KLRC1: variants seen among roughly 807,000 people sequenced by gnomAD.
The protein encoded by KLRC1 is NKG2-A/NKG2-B type II integral membrane protein.
Under a neutral mutation model 25.9 loss-of-function variants are expected in KLRC1, and 22 were observed. That is an observed-to-expected ratio of 0.85 (90% CI 0.61 to 1.21). The LOEUF (loss-of-function observed/expected upper bound fraction) is 1.21, where lower values mean the gene tolerates loss of function less well. Among genes scored for constraint, KLRC1 ranks in the 50% most tolerant of loss-of-function variants. The pLI is 0.00. For missense variants in KLRC1, 240 were observed against 272.2 expected (o/e 0.88, Z 0.83); for synonymous variants, 77 against 93.1 (o/e 0.83, Z 0.99).
chr12:10,452,990 C>A (rs1313109160), intron 1 of KLRC1, among the ~76,000 whole-genome samples: 1 of 152,156 alleles, frequency 6.6e-6, no homozygotes, highest in African/African-American at 2.4e-5. Context: ...CACTAGATTT[C>A]CACAAACAAT....
At chr12:10,445,613 A>T (rs1863969213), downstream of KLRC1, among the ~76,000 whole-genome samples, 1 of 152,208 alleles carries the variant, frequency 6.6e-6, no homozygotes, top group African/African-American at 2.4e-5. Context: ...GTTATAGCAT[A>T]TAGATTAAAA....
rs572443429 is a variant in KLRC1, at chr12:10,452,482, A to C, written c.-32+716T>G. Among the ~76,000 whole-genome samples the C allele has an allele frequency of 3.3e-5, 5 of 152,312 alleles. No individual in the cohort carries two copies. In the East Asian group the frequency reaches 9.6e-4, roughly 29 times the overall value. ...CCCAGTTTGTTAATCTAAAATGGGC[A>C]TAAGAACATATAAAACGTTGCATGT... On this transcript the variant is annotated intron_variant, in intron 1 of 6. Coordinates refer to ENST00000359151, the MANE Select transcript of KLRC1 (RefSeq NM_002259.5).
At chr12:10,444,905 T>A (rs1042826128), downstream of KLRC1, among the ~76,000 whole-genome samples, 2 of 148,204 alleles carry the variant, frequency 1.3e-5, no homozygotes, top group Non-Finnish European at 3.0e-5. Context: ...ATAAAATATA[T>A]ATGCACTAAT....
intron 2 of KLRC1, 37 bp from the exon 3 acceptor site, chr12:10,450,616 G>A: frequency 1.6e-6 from 2 of 1,274,204 alleles, no homozygotes; most frequent in South Asian, 2.4e-5. Flanking sequence ...CGAAAGGAGA[G>A]GTGGATACAG....
At chr12:10,451,256 G>T in intron 1 of KLRC1, 69 bp from the exon 2 acceptor site, 2 of 865,974 alleles carry the variant, frequency 2.3e-6, no homozygotes, top group Non-Finnish European at 3.2e-6. Context: ...AATTAAAAGG[G>T]TGAGGTGGAG....
chr12:10,450,005 A>G, intron 3 of KLRC1, 38 bp from the exon 4 acceptor site: 1 of 1,318,970 alleles, frequency 7.6e-7, no homozygotes. Flanking sequence ...AAAAATTAGC[A>G]TCTAAATCAA....
chr12:10,447,764 A>T (rs1864023943), intron 5 of KLRC1, 132 bp from the exon 6 acceptor site: 1 of 723,124 alleles, frequency 1.4e-6, no homozygotes, highest in Non-Finnish European at 2.2e-6. Context: ...GATATAAATG[A>T]ACCCGTCAAT....
chr12:10,453,677 T>C (rs1565514733), upstream of KLRC1, among the ~76,000 whole-genome samples: 2 of 152,210 alleles, frequency 1.3e-5, no homozygotes, highest in African/African-American at 4.8e-5. Context: ...CTTTATATTA[T>C]TTTATTATGT....
rs1273229991 is a variant in KLRC1 at position 10,453,218 on chromosome 12, C to G, written c.-52G>C. 5.1e-6 allele frequency: 5 copies of G among 985,208 alleles called. No individual in the cohort carries two copies. Among genetic ancestry groups the G allele is most frequent in the Non-Finnish European group, 6.0e-6 (5 of 829,864 alleles). The allele number at this position is 985,208 out of a possible 1,614,324, so 61.0% of individuals were successfully genotyped here. A position where few individuals can be genotyped will look rare whatever the true frequency, so the allele number is the denominator to read the frequency against. ...CATACCTTCTGTCCCCAGAAAGTCA[C>G]ACATCCTTTAGTGGAGAGGCCAGGT... On this transcript the variant is annotated 5_prime_UTR_variant, in exon 1 of 7. Coordinates refer to ENST00000359151, the MANE Select transcript of KLRC1 (RefSeq NM_002259.5).
At chr12:10,449,780 C>A in intron 4 of KLRC1, 134 bp downstream of exon 4, 1 of 643,208 alleles carries the variant, frequency 1.6e-6, no homozygotes, top group Non-Finnish European at 2.4e-6. Flanking sequence ...CAAGTGAATG[C>A]CTTACTCTAA....
chr12:10,448,332 A>C (rs1480076006), intron 5 of KLRC1, among the ~76,000 whole-genome samples: 5 of 152,296 alleles, frequency 3.3e-5, no homozygotes, highest in African/African-American at 1.2e-4. Flanking sequence ...CTGTTTCCCT[A>C]CACCCAACCT....
At chr12:10,443,107 A>C (rs1340129093), downstream of KLRC1, among the ~76,000 whole-genome samples, 3 of 138,494 alleles carry the variant, frequency 2.2e-5, 1 homozygote, top group Non-Finnish European at 3.1e-5. Context: ...GGGTCACTAC[A>C]GTCAATAATA....
chr12:10,448,403 C>T (rs1037660283), intron 5 of KLRC1, among the ~76,000 whole-genome samples: 2 of 152,224 alleles, frequency 1.3e-5, no homozygotes, highest in East Asian at 1.9e-4. Flanking sequence ...GAGTCCCCTC[C>T]GCAACAACAG....
At chr12:10,447,937 T>A (rs929682919) in intron 5 of KLRC1, among the ~76,000 whole-genome samples, 1 of 152,254 alleles carries the variant, frequency 6.6e-6, no homozygotes, top group African/African-American at 2.4e-5. Context: ...ATCAAACTAT[T>A]TTTGTGCTAT....
At chr12:10,454,075 A>T (rs749971957), upstream of KLRC1, among the ~76,000 whole-genome samples, 1 of 152,256 alleles carries the variant, frequency 6.6e-6, no homozygotes, top group East Asian at 1.9e-4. Context: ...GTTGTAAATG[A>T]CAAAAACTGA....
In KLRC1 at chr12:10,451,161, G is replaced by C. The variant is rs769069597; in HGVS notation, c.-5C>G. ...GATTACTCCTTGGTTATCCATCTCTGCAGTGTGTGATGTCAGGGACTGTAC... is the reference window on the plus strand; with the variant it reads ...GATTACTCCTTGGTTATCCATCTCTCCAGTGTGTGATGTCAGGGACTGTAC... On this transcript the variant is annotated 5_prime_UTR_variant, in exon 2 of 7. Coordinates refer to ENST00000359151, the MANE Select transcript of KLRC1 (RefSeq NM_002259.5). The C allele has an allele frequency of 6.2e-7, 1 of 1,610,258 alleles. No homozygotes were observed. The highest frequency in any genetic ancestry group is 2.2e-5 in the East Asian group (1 of 44,850).
chr12:10,448,486 C>G (rs1194346746), intron 5 of KLRC1, among the ~76,000 whole-genome samples: 2 of 152,150 alleles, frequency 1.3e-5, no homozygotes, highest in African/African-American at 4.8e-5. Context: ...GAAGTACTTC[C>G]TTCTCATACC....
rs750493749 is a variant in KLRC1 at position 10,451,135 on chromosome 12, A to C, written c.22T>G (p.Tyr8Asp). 2.0e-5 allele frequency: 32 copies of C among 1,613,370 alleles called. No homozygotes were observed. The highest frequency in any genetic ancestry group is 2.5e-5 in the Non-Finnish European group (30 of 1,179,752). Reference protein sequence around the residue: MDNQGVIYSDLNLPPNPK... With the variant: MDNQGVIDSDLNLPPNPK... ...TTTGGGGGCAGATTCAGGTCTGAGT[A>C]GATTACTCCTTGGTTATCCATCTCT... The change falls in exon 2 of 7, where the codon TAC (tyrosine) becomes GAC (aspartate). Residue 8 changes from tyrosine (Y) to aspartate (D), a missense_variant. Tyr to Asp is a radical substitution (Grantham distance 160, BLOSUM62 -3). Coordinates refer to ENST00000359151, the MANE Select transcript of KLRC1 (RefSeq NM_002259.5).
At chr12:10,450,127 G>C (rs1864090718) in intron 3 of KLRC1, 160 bp from the exon 4 acceptor site, 1 of 559,162 alleles carries the variant, frequency 1.8e-6, no homozygotes, top group Non-Finnish European at 2.8e-6. Context: ...TGGTTTTTTG[G>C]AAAAGTATTT....
Sources: gnomAD v4.1 joint callset for allele counts (sites outside exome capture counted in the v4.1 genomes callset) on GRCh38, gnomAD v4.1.1 for gene constraint, MANE v1.5 for transcripts, NCBI Gene and HGNC (gene_info 2026-07-23, HGNC 2026-07-21) for gene names.